The following CAMTA1 variants were observed in gnomAD, a reference collection of about 807,000 sequenced individuals.
CAMTA1 encodes calmodulin binding transcription activator 1, also known as calmodulin-binding transcription activator 1.
In CAMTA1, 27 loss-of-function variants were observed where a neutral mutation model predicts 170.9. The observed-to-expected ratio is 0.16, with a 90% CI of 0.12 to 0.22. The LOEUF (loss-of-function observed/expected upper bound fraction) is 0.22. CAMTA1 is among the 10% of genes least tolerant of loss of function. The probability of loss-of-function intolerance (pLI) is 1.00; values close to 1 mark genes in which losing one functional copy is unlikely to be tolerated. For missense variants in CAMTA1, 1,619 were observed against 2,217.2 expected, an observed-to-expected ratio of 0.73 and a Z score of 5.42; for synonymous variants, 833 against 891.5, an observed-to-expected ratio of 0.93 and a Z score of 1.17.
chr1:6,989,503 GTTTTGCATAT>G (rs559449163), intron 3 of CAMTA1, among the ~76,000 whole-genome samples: 46 of 152,334 alleles, frequency 3.0e-4, no homozygotes, highest in African/African-American at 1.1e-3. Context: ...TGTGGAGGCT[GTTTTGCATAT>G]TTCCAGTGGG....
At chr1:7,397,752 G>A (rs1265752867) in intron 5 of CAMTA1, among the ~76,000 whole-genome samples, 2 of 151,864 alleles carry the variant, frequency 1.3e-5, no homozygotes, top group African/African-American at 4.8e-5. Flanking sequence ...TAATTCATGG[G>A]CGTGTTGTTT....
intron 1 of CAMTA1, among the ~76,000 whole-genome samples, chr1:6,796,287 G>A (rs1172743525): frequency 2.6e-5 from 4 of 151,794 alleles, no homozygotes; most frequent in South Asian, 2.1e-4. Context: ...ACAGGCACGC[G>A]CCACCATGCC....
At chr1:7,331,375 C>G (rs1388870013) in intron 5 of CAMTA1, among the ~76,000 whole-genome samples, 1 of 152,148 alleles carries the variant, frequency 6.6e-6, no homozygotes, top group African/African-American at 2.4e-5. Flanking sequence ...TCTCAGGACC[C>G]CTTTATACGC....
intron 3 of CAMTA1, among the ~76,000 whole-genome samples, chr1:7,039,359 C>T (rs1704092860): frequency 6.6e-6 from 1 of 152,196 alleles, no homozygotes; most frequent in South Asian, 2.1e-4. Flanking sequence ...CCTTGTAATT[C>T]TTGAAGCACA....
intron 4 of CAMTA1, among the ~76,000 whole-genome samples, chr1:7,184,910 C>A (rs1319533120): frequency 6.6e-6 from 1 of 152,170 alleles, no homozygotes; most frequent in Non-Finnish European, 1.5e-5. Flanking sequence ...CATGTACCAC[C>A]AGTCTAATAA....
chr1:7,398,193 C>CTATATATATATATATATATATA (rs3034829), intron 5 of CAMTA1, among the ~76,000 whole-genome samples: 3 of 16,898 alleles, frequency 1.8e-4, no homozygotes, highest in Non-Finnish European at 2.2e-4. Flanking sequence ...CTCTCTCTCT[C>CTATATATATATATATATATATA]TATATATATA....
intron 6 of CAMTA1, among the ~76,000 whole-genome samples, chr1:7,469,844 C>A (rs2093296154): frequency 6.6e-6 from 1 of 152,216 alleles, no homozygotes; most frequent in East Asian, 1.9e-4. Flanking sequence ...CATTCCGGGT[C>A]CCTCCTAGAT....
intron 6 of CAMTA1, among the ~76,000 whole-genome samples, chr1:7,483,634 C>A (rs1192097887): frequency 6.6e-6 from 1 of 152,194 alleles, no homozygotes; most frequent in African/African-American, 2.4e-5. Flanking sequence ...GGCCCAGCGT[C>A]CTGAGGGAGG....
intron 2 of CAMTA1, among the ~76,000 whole-genome samples, chr1:6,822,349 G>A (rs1646587534): frequency 6.6e-6 from 1 of 152,104 alleles, no homozygotes; most frequent in Non-Finnish European, 1.5e-5. Flanking sequence ...TAAAATCAAA[G>A]TTTCTCTGTA....
chr1:7,548,375 G>A (rs1408250069), intron 6 of CAMTA1, among the ~76,000 whole-genome samples: 8 of 152,148 alleles, frequency 5.3e-5, no homozygotes, highest in Admixed American at 5.2e-4. Context: ...CTTAGGAATG[G>A]AGGTGCCCAT....
chr1:7,636,164 G>A (rs1003090170), intron 6 of CAMTA1, among the ~76,000 whole-genome samples: 2 of 152,188 alleles, frequency 1.3e-5, no homozygotes, highest in Non-Finnish European at 2.9e-5. Context: ...CCCCACCCCC[G>A]GTGTTGGGCA....
intron 6 of CAMTA1, among the ~76,000 whole-genome samples, chr1:7,539,251 C>T (rs2094581489): frequency 6.6e-6 from 1 of 152,252 alleles, no homozygotes; most frequent in Non-Finnish European, 1.5e-5. Context: ...GATGGACAGC[C>T]ACAGCCTTGG....
intron 5 of CAMTA1, among the ~76,000 whole-genome samples, chr1:7,348,488 C>T (rs983840432): frequency 6.6e-6 from 1 of 152,208 alleles, no homozygotes; most frequent in Non-Finnish European, 1.5e-5. Flanking sequence ...TGGTACGAAG[C>T]ATAACCACCT....
rs1553149268 is a variant in CAMTA1, at chr1:7,370,919, T to TTTTTTTC, written c.439-96905_439-96904insCTTTTTT. ...CACTTTCTTTTTCTTTCTTTCTTTT[T>TTTTTTTC]TTTTTTTTTTGAGACGGAGTCTCAC... On this transcript the variant is annotated intron_variant, in intron 5 of 22. Coordinates refer to ENST00000303635, the MANE Select transcript of CAMTA1 (RefSeq NM_015215.4). Among the ~76,000 whole-genome samples, 26 of 126,706 alleles carry TTTTTTTC rather than the reference T, an allele frequency of 2.1e-4. 1 individual carries two copies. In the Admixed American group the frequency reaches 2.1e-3, roughly 10 times the overall value. The allele number at this position is 126,706 out of a possible 152,430, so 83.1% of individuals were successfully genotyped here. A position where few individuals can be genotyped will look rare whatever the true frequency, so the allele number is the denominator to read the frequency against.
chr1:7,408,562 C>A (rs1326803668), intron 5 of CAMTA1, among the ~76,000 whole-genome samples: 2 of 152,182 alleles, frequency 1.3e-5, no homozygotes, highest in East Asian at 3.9e-4. Flanking sequence ...GAGGAAGCCA[C>A]CCTGGGCAGC....
intron 6 of CAMTA1, among the ~76,000 whole-genome samples, chr1:7,476,707 G>C (rs980753991): frequency 6.6e-6 from 1 of 152,152 alleles, no homozygotes; most frequent in Admixed American, 6.5e-5. Flanking sequence ...TCAGAAGAGA[G>C]CAGGACAGGA....
chr1:7,209,995 A>G (rs1267951140), intron 4 of CAMTA1, among the ~76,000 whole-genome samples: 1 of 152,188 alleles, frequency 6.6e-6, no homozygotes, highest in African/African-American at 2.4e-5. Context: ...TTCAGACATG[A>G]TGCCCCGTTA....
At chr1:6,831,880 A>G (rs1456783106) in intron 3 of CAMTA1, among the ~76,000 whole-genome samples, 2 of 151,986 alleles carry the variant, frequency 1.3e-5, no homozygotes, top group African/African-American at 4.8e-5. Context: ...AGCCACACCA[A>G]AGCGTCTGCA....
intron 6 of CAMTA1, among the ~76,000 whole-genome samples, chr1:7,511,160 A>C (rs2094197501): frequency 6.9e-6 from 1 of 145,326 alleles, no homozygotes; most frequent in Non-Finnish European, 1.5e-5. Flanking sequence ...CCCCCTTCCC[A>C]ATTAGCAGGG....
Sources: allele counts gnomAD v4.1 joint callset (sites outside exome capture counted in the v4.1 genomes callset), GRCh38; gene constraint gnomAD v4.1.1; transcripts MANE v1.5; gene names NCBI Gene and HGNC (gene_info 2026-07-23, HGNC 2026-07-21).